GPM6A: variants seen among roughly 807,000 people sequenced by gnomAD.
GPM6A encodes the protein neuronal membrane glycoprotein M6-a.
GPM6A carries 7 observed loss-of-function variants against 32.1 expected under a neutral mutation model. The observed-to-expected ratio is 0.22, with a 90% CI of 0.12 to 0.41. GPM6A has a LOEUF of 0.41. Among genes scored for constraint, GPM6A ranks in the 10% least tolerant of loss-of-function variants. The pLI is 1.00. For synonymous variants in GPM6A, 130 were observed against 123.4 expected, an observed-to-expected ratio of 1.05 and a Z score of -0.35; for missense variants, 235 against 347.2, an observed-to-expected ratio of 0.68 and a Z score of 2.57.
chr4:175,744,113 C>A (rs914375454), intron 1 of GPM6A, among the ~76,000 whole-genome samples: 4 of 152,004 alleles, frequency 2.6e-5, no homozygotes, highest in African/African-American at 9.6e-5. Context: ...CAAAATAGGC[C>A]GTAGAGTAAG....
At chr4:175,678,594 A>G (rs1317314569) in intron 2 of GPM6A, among the ~76,000 whole-genome samples, 1 of 152,192 alleles carries the variant, frequency 6.6e-6, no homozygotes, top group Non-Finnish European at 1.5e-5. Flanking sequence ...GTCCCAGAGC[A>G]ATTGTTTAGT....
chr4:175,945,444 G>A (rs1490194321), intron 1 of GPM6A, among the ~76,000 whole-genome samples: 1 of 151,854 alleles, frequency 6.6e-6, no homozygotes, highest in Non-Finnish European at 1.5e-5. Flanking sequence ...TTATAAGTGG[G>A]AACTAAGTAA....
intron 1 of GPM6A, among the ~76,000 whole-genome samples, chr4:175,890,459 AAAG>A (rs1435590162): frequency 6.6e-6 from 1 of 152,104 alleles, no homozygotes; most frequent in Admixed American, 6.5e-5. Flanking sequence ...ACACAGTCAA[AAAG>A]AAGCAAACTG....
intron 1 of GPM6A, among the ~76,000 whole-genome samples, chr4:175,850,634 A>T (rs1174966047): frequency 6.6e-6 from 1 of 152,024 alleles, no homozygotes; most frequent in Admixed American, 6.6e-5. Flanking sequence ...ACCATAAATA[A>T]TCTCAGGTGG....
chr4:175,878,029 A>C (rs1359939670), intron 1 of GPM6A, among the ~76,000 whole-genome samples: 1 of 152,226 alleles, frequency 6.6e-6, no homozygotes, highest in Non-Finnish European at 1.5e-5. Flanking sequence ...CAGGGCAGTC[A>C]AATATTAAAG....
At chr4:175,733,728 A>T (rs962658636) in intron 1 of GPM6A, among the ~76,000 whole-genome samples, 3 of 152,222 alleles carry the variant, frequency 2.0e-5, no homozygotes, top group Non-Finnish European at 4.4e-5. Flanking sequence ...CTATGAAAAG[A>T]ATAAAACACA....
At chr4:175,826,479 T>C (rs1735443760) in intron 1 of GPM6A, among the ~76,000 whole-genome samples, 1 of 152,156 alleles carries the variant, frequency 6.6e-6, no homozygotes, top group African/African-American at 2.4e-5. Flanking sequence ...TCTGAGTTGT[T>C]AATATAGTAG....
chr4:175,861,909 C>A (rs979643586), intron 1 of GPM6A, among the ~76,000 whole-genome samples: 2 of 151,680 alleles, frequency 1.3e-5, no homozygotes, highest in Non-Finnish European at 2.9e-5. Flanking sequence ...AAATAAATAA[C>A]TAGATGGAGG....
chr4:175,770,570 CTGTT>C (rs1198463654), intron 1 of GPM6A, among the ~76,000 whole-genome samples: 2 of 152,076 alleles, frequency 1.3e-5, no homozygotes, highest in African/African-American at 2.4e-5. Context: ...ACACTTTCTT[CTGTT>C]TGTTCTACTT....
intron 3 of GPM6A, 70 bp from the exon 4 acceptor site, chr4:175,652,057 G>A: frequency 8.3e-7 from 1 of 1,201,306 alleles, no homozygotes; most frequent in Non-Finnish European, 1.2e-6. Flanking sequence ...TGTTTAATCT[G>A]CAAAGCTCCA....
chr4:175,785,282 T>A (rs913379019), intron 1 of GPM6A, among the ~76,000 whole-genome samples: 16 of 152,142 alleles, frequency 1.1e-4, no homozygotes, highest in Non-Finnish European at 1.3e-4. Context: ...TCACCCAGCA[T>A]CAATTGAGCC....
chr4:175,818,645 T>A (rs1735184149), intron 1 of GPM6A, among the ~76,000 whole-genome samples: 1 of 152,222 alleles, frequency 6.6e-6, no homozygotes, highest in South Asian at 2.1e-4. Flanking sequence ...TACAAATAAA[T>A]GAATGAACAA....
At chr4:175,894,682 T>C (rs933959571) in intron 1 of GPM6A, among the ~76,000 whole-genome samples, 1 of 152,144 alleles carries the variant, frequency 6.6e-6, no homozygotes, top group Non-Finnish European at 1.5e-5. Flanking sequence ...ATATTTTTAA[T>C]AGTAAAACCA....
intron 1 of GPM6A, chr4:175,891,493 T>C (rs975682343): frequency 2.6e-5 from 4 of 152,240 alleles, no homozygotes; most frequent in African/African-American, 9.6e-5. Context: ...TAATAAATCC[T>C]TTCTAACACC....
chr4:175,887,810 C>G (rs976796797), intron 1 of GPM6A, among the ~76,000 whole-genome samples: 21 of 151,802 alleles, frequency 1.4e-4, no homozygotes, highest in South Asian at 1.2e-3. Flanking sequence ...AAATAGCAAG[C>G]CTGAACTGCA....
chr4:175,635,490 A>G (rs1406235317), intron 6 of GPM6A, among the ~76,000 whole-genome samples: 1 of 152,192 alleles, frequency 6.6e-6, no homozygotes, highest in Non-Finnish European at 1.5e-5. Flanking sequence ...CCAATTAAAG[A>G]GAGATCATGG....
At position 175,913,162 on chromosome 4, in the gene GPM6A, T is replaced by C. The variant is rs575208949; in HGVS notation, c.-23+89147A>G. On this transcript the variant is annotated intron_variant, in intron 1 of 7. Coordinates refer to the GPM6A transcript ENST00000280187. ...CTTTTTATGCATTGTTCTGGTGTCA[T>C]TTCAAGTTGACCATATGCTTTATAA... Among the ~76,000 whole-genome samples, 7 of 152,318 alleles carry C rather than the reference T, an allele frequency of 4.6e-5. No homozygotes were observed. The South Asian group carries it at 1.5e-3, about 32-fold the overall frequency.
chr4:175,757,992 A>T (rs1306469719), intron 1 of GPM6A, among the ~76,000 whole-genome samples: 1 of 152,192 alleles, frequency 6.6e-6, no homozygotes, highest in Non-Finnish European at 1.5e-5. Flanking sequence ...GTAACCTAAC[A>T]TTTACAACCA....
chr4:175,789,385 C>G (rs1356045840), intron 1 of GPM6A, among the ~76,000 whole-genome samples: 1 of 152,146 alleles, frequency 6.6e-6, no homozygotes, highest in Non-Finnish European at 1.5e-5. Context: ...CTTCATTGAT[C>G]TCACATGTTG....
Sources: gnomAD v4.1 joint callset for allele counts (sites outside exome capture counted in the v4.1 genomes callset) on GRCh38, gnomAD v4.1.1 for gene constraint, MANE v1.5 for transcripts, NCBI Gene and HGNC (gene_info 2026-07-23, HGNC 2026-07-21) for gene names.